The following FMO3 variants were observed in gnomAD, a reference collection of about 807,000 sequenced individuals.
FMO3 encodes the protein flavin containing dimethylaniline monoxygenase 3.
Under a neutral mutation model 39.4 loss-of-function variants are expected in FMO3, and 40 were observed. The ratio of observed to expected loss-of-function variants is 1.02; its 90% CI spans 0.79 to 1.32. The LOEUF is 1.32. Ranked by LOEUF, FMO3 falls within the 40% of genes most tolerant of loss-of-function variation. The pLI, the probability that FMO3 is intolerant of heterozygous loss-of-function variation, is 0.00. For synonymous variants in FMO3, 219 were observed against 228.8 expected, an observed-to-expected ratio of 0.96 and a Z score of 0.39; for missense variants, 680 against 651.8, an observed-to-expected ratio of 1.04 and a Z score of -0.47.
At chr1:171,112,829 G>A (rs1655973074) in intron 6 of FMO3, among the ~76,000 whole-genome samples, 1 of 152,148 alleles carries the variant, frequency 6.6e-6, no homozygotes, top group Non-Finnish European at 1.5e-5. Flanking sequence ...GAGACTAAAG[G>A]TCTGGGGACT....
At chr1:171,111,756 C>T (rs573456826) in intron 6 of FMO3, among the ~76,000 whole-genome samples, 2 of 152,280 alleles carry the variant, frequency 1.3e-5, no homozygotes, top group Admixed American at 6.5e-5. Flanking sequence ...ATTTGACAAA[C>T]ATTTATTACA....
chr1:171,092,533 T>A, intron 1 of FMO3, 120 bp from the exon 2 acceptor site: 1 of 1,156,474 alleles, frequency 8.6e-7, no homozygotes, highest in Non-Finnish European at 1.3e-6. Flanking sequence ...ACTCAGCCAG[T>A]GTTTATTAAA....
chr1:171,111,376 C>T (rs768109442), intron 6 of FMO3, among the ~76,000 whole-genome samples: 7 of 152,070 alleles, frequency 4.6e-5, no homozygotes, highest in Non-Finnish European at 7.4e-5. Context: ...GAGATAACTG[C>T]GTTTCAGTGT....
chr1:171,114,337 C>A lies in FMO3; in HGVS notation c.1158C>A (p.Ser386=). 6.2e-7 allele frequency: 1 copy of A among 1,613,496 alleles called. No homozygotes were observed. Among genetic ancestry groups the A allele is most frequent in the Non-Finnish European group, 8.5e-7 (1 of 1,179,650 alleles). ...CCATTCCCACAGTTGACCTCCAGTC[C>A]CGCTGGGCAGCACAAGTAATAAAGG... is the stretch of plus-strand genomic sequence containing the variant. ...GAAIPTVDLQ[S]RWAAQVIKGT... Residue 386 remains serine (S), a synonymous_variant, in exon 7 of 9, where the codon TCC becomes TCA. Transcript: ENST00000367755.
chr1:171,113,394 C>T (rs920398324), intron 6 of FMO3, among the ~76,000 whole-genome samples: 15 of 152,176 alleles, frequency 9.9e-5, no homozygotes, highest in Non-Finnish European at 2.2e-4. Context: ...CTTCATCCCT[C>T]AAGAGCCCAG....
intron 6 of FMO3, 89 bp downstream of exon 6, chr1:171,111,086 G>A: frequency 3.9e-6 from 4 of 1,016,096 alleles, no homozygotes; most frequent in South Asian, 1.3e-5. Flanking sequence ...ACAAATCAAA[G>A]TATTAGCAAT....
chr1:171,096,317 A>C (rs1393627240), intron 2 of FMO3, among the ~76,000 whole-genome samples: 1 of 96,142 alleles, frequency 1.0e-5, no homozygotes, highest in African/African-American at 4.4e-5. Flanking sequence ...TATAATATTT[A>C]TATATAATAT....
intron 1 of FMO3, among the ~76,000 whole-genome samples, chr1:171,091,749 A>T (rs1654718606): frequency 6.6e-6 from 1 of 152,078 alleles, no homozygotes; most frequent in African/African-American, 2.4e-5. Context: ...ATAGGTATGC[A>T]CCATTTACTT....
rs1654762507 is a variant in FMO3 at position 171,092,602 on chromosome 1, T to C, written c.-6-51T>C. On this transcript the variant is annotated intron_variant, in intron 1 of 8. Coordinates refer to ENST00000367755, the MANE Select transcript of FMO3 (RefSeq NM_001002294.3). ...CAAAATAAATAGATAAATAAGTAAA[T>C]ACATTTTCAGCAATGTTGTTACTGG... The C allele has an allele frequency of 4.4e-6, 7 of 1,599,966 alleles. No individual in the cohort carries two copies. The Admixed American group carries it at 5.0e-5, about 11-fold the overall frequency.
rs1557934650 is a variant in FMO3, at chr1:171,096,707, A to AAATATATAT, written c.132+3920_132+3921insATATATAAT. Among the ~76,000 whole-genome samples the AAATATATAT allele has an allele frequency of 1.3e-4, 15 of 114,344 alleles. No individual in the cohort carries two copies. The East Asian group carries it at 3.3e-3, about 25-fold the overall frequency. The allele number at this position is 114,344 out of a possible 152,430, so 75.0% of individuals were successfully genotyped here. On this transcript the variant is annotated intron_variant, in intron 2 of 8. Coordinates refer to ENST00000367755, the MANE Select transcript of FMO3 (RefSeq NM_001002294.3). ...AAATATAATTAATATAATTATATAA[A>AAATATATAT]AATTAATATAATTATATTAAAAATA... is the stretch of plus-strand genomic sequence containing the variant.
At position 171,106,395 on chromosome 1, in the gene FMO3, C is replaced by G. The variant is rs373074046; in HGVS notation, c.322-1280C>G. On this transcript the variant is annotated intron_variant, in intron 3 of 8. Transcript: ENST00000367755. ...CGTCAGGTGATCTACCTGCCTCACC[C>G]TCCCAAAGCACTGGGATTACAGGCG... Among the ~76,000 whole-genome samples, 7 of 152,176 alleles carry G rather than the reference C, an allele frequency of 4.6e-5. No individual in the cohort carries two copies. The East Asian group carries it at 1.2e-3, about 25-fold the overall frequency.
chr1:171,093,978 G>A (rs1280025148), intron 2 of FMO3, among the ~76,000 whole-genome samples: 4 of 151,370 alleles, frequency 2.6e-5, no homozygotes, highest in Admixed American at 6.6e-5. Flanking sequence ...GGGGTTACAG[G>A]TGCCCACACC....
intron 8 of FMO3, among the ~76,000 whole-genome samples, 170 bp from the exon 9 acceptor site, chr1:171,116,930 C>T (rs1656179747): frequency 1.3e-5 from 2 of 152,246 alleles, no homozygotes; most frequent in Middle Eastern, 6.8e-3. Context: ...ATGACATTCT[C>T]CTTATACAAG....
chr1:171,105,518 G>A (rs1655599424), intron 3 of FMO3, among the ~76,000 whole-genome samples: 1 of 152,024 alleles, frequency 6.6e-6, no homozygotes, highest in Non-Finnish European at 1.5e-5. Flanking sequence ...GTGTAAAAGT[G>A]TTCCTATTTC....
In FMO3 at chr1:171,103,936, C is replaced by A. The variant is rs751564603; in HGVS notation, c.284C>A (p.Ala95Asp). The A allele has an allele frequency of 6.2e-7, 1 of 1,613,740 alleles. No individual in the cohort carries two copies. The highest frequency in any genetic ancestry group is 1.1e-5 in the South Asian group (1 of 91,066). The change falls in exon 3 of 9, where the codon GCC (alanine) becomes GAC (aspartate). Residue 95 changes from alanine to aspartate, a missense_variant. Transcript: ENST00000367755. Reference sequence around the variant, plus strand: ...ATCCAGGAATATATCATTGCATTTGCCAAAGAAAAGAACCTCCTGAAGTAC... The same window carrying A: ...ATCCAGGAATATATCATTGCATTTGACAAAGAAAAGAACCTCCTGAAGTAC... ...SKIQEYIIAF[A>D]KEKNLLKYIQ...
At chr1:171,097,725 C>T (rs1268676295) in intron 2 of FMO3, among the ~76,000 whole-genome samples, 2 of 150,638 alleles carry the variant, frequency 1.3e-5, no homozygotes, top group Admixed American at 6.6e-5. Context: ...CGAAAATTTT[C>T]TCCCATTTTA....
chr1:171,097,100 T>A lies in FMO3; in HGVS notation c.132+4310T>A, dbSNP rs1478358761. 4.7e-5 allele frequency among the ~76,000 whole-genome samples: 7 copies of A among 150,364 alleles called. No individual in the cohort carries two copies. In the South Asian group the frequency reaches 1.5e-3, roughly 32 times the overall value. Reference sequence around the variant, plus strand: ...ATGATGGTTTCCAGCTTCATCCATGTCCCTACAAAGGACATGAACTCATCA... The same window carrying A: ...ATGATGGTTTCCAGCTTCATCCATGACCCTACAAAGGACATGAACTCATCA... On this transcript the variant is annotated intron_variant, in intron 2 of 8. Coordinates refer to ENST00000367755, the MANE Select transcript of FMO3 (RefSeq NM_001002294.3).
At chr1:171,095,176 T>C (rs1317227316) in intron 2 of FMO3, among the ~76,000 whole-genome samples, 6 of 152,316 alleles carry the variant, frequency 3.9e-5, no homozygotes, top group Non-Finnish European at 7.3e-5. Context: ...CCATTGTTGT[T>C]GGCTTTTCCC....
Position 171,113,686 on chromosome 1 carries a change from C to T in FMO3, c.828-321C>T, listed in dbSNP as rs1008565723. ...GTAGCAACTTTAAAAATGTAAACAC[C>T]GAGGTACCCTCACTTCAGAGTTTTT... On this transcript the variant is annotated intron_variant, in intron 6 of 8. Transcript: ENST00000367755. 3.9e-5 allele frequency among the ~76,000 whole-genome samples: 6 copies of T among 152,182 alleles called. No homozygotes were observed. The East Asian group carries it at 9.7e-4, about 25-fold the overall frequency.
Sources: allele counts gnomAD v4.1 joint callset (sites outside exome capture counted in the v4.1 genomes callset), GRCh38; gene constraint gnomAD v4.1.1; transcripts MANE v1.5; gene names NCBI Gene and HGNC (gene_info 2026-07-23, HGNC 2026-07-21).